Variants in NEDD4L observed in about 807,000 individuals in gnomAD.
NEDD4L encodes the protein NEDD4 like E3 ubiquitin protein ligase, also known as E3 ubiquitin-protein ligase NEDD4-like.
Under a neutral mutation model 148.9 loss-of-function variants are expected in NEDD4L, and 54 were observed. The observed-to-expected ratio is 0.36, with a 90% CI of 0.29 to 0.45. The LOEUF is 0.45. NEDD4L is among the 20% of genes least tolerant of loss of function. NEDD4L has a pLI of 1.00. For missense variants in NEDD4L, 856 were observed against 1,233.8 expected (o/e 0.69, Z 4.59); for synonymous variants, 433 against 440.7 (o/e 0.98, Z 0.22).
chr18:58,256,160 G>A lies in NEDD4L; in HGVS notation c.297+4106G>A, dbSNP rs985804672. The A allele has an allele frequency of 2.7e-5, 33 of 1,219,354 alleles. No individual in the cohort carries two copies. Among genetic ancestry groups the A allele is most frequent in the Admixed American group, 8.6e-5 (2 of 23,240 alleles). 75.5% of individuals were successfully genotyped at this position (1,219,354 alleles called of 1,614,324 possible). ...GGTCAACGGCACGTGCGGCCGCCGC[G>A]TGCGGTGCTCCGGCCCCGTGGACTG... is the stretch of plus-strand genomic sequence containing the variant. On this transcript the variant is annotated intron_variant, in intron 5 of 30. Coordinates refer to ENST00000400345, the MANE Select transcript of NEDD4L (RefSeq NM_001144967.3). This position sits in a 1 kb window ranked among gnomAD's most constrained non-coding sequence, Gnocchi z 5.2.
chr18:58,246,008 C>T (rs2047223753), intron 3 of NEDD4L, among the ~76,000 whole-genome samples: 1 of 151,678 alleles, frequency 6.6e-6, no homozygotes, highest in Admixed American at 6.6e-5. Context: ...CACTTTTTGT[C>T]TTATATACTG....
At position 58,200,143 on chromosome 18, in the gene NEDD4L, C is replaced by A. The variant is rs142548992; in HGVS notation, c.122+34282C>A. Among the ~76,000 whole-genome samples the A allele has an allele frequency of 1.3e-3, 191 of 152,340 alleles. 1 individual carries two copies. The highest frequency in any genetic ancestry group is 4.4e-3 in the African/African-American group (185 of 41,576). Reference sequence around the variant, plus strand: ...TTCTTTGTTATCTCGGCTCTCTGCTCAGGGTAGCCATGAAATGGCTCTTTT... The same window carrying A: ...TTCTTTGTTATCTCGGCTCTCTGCTAAGGGTAGCCATGAAATGGCTCTTTT... On this transcript the variant is annotated intron_variant, in intron 2 of 30. Transcript: ENST00000400345.
rs770391466 is a variant in NEDD4L at position 58,044,657 on chromosome 18, C to G, written c.-4C>G. 1 of 1,601,342 alleles carries G rather than the reference C, an allele frequency of 6.2e-7. No homozygotes were observed. Among genetic ancestry groups the G allele is most frequent in the East Asian group, 2.3e-5 (1 of 43,496 alleles). Reference sequence around the variant, plus strand: ...CCTCAGACCCCGCGCGGGGCGCCGGCTCCATGGCGACCGGGCTCGGGGAGC... The same window carrying G: ...CCTCAGACCCCGCGCGGGGCGCCGGGTCCATGGCGACCGGGCTCGGGGAGC... On this transcript the variant is annotated 5_prime_UTR_variant, in exon 1 of 31. Transcript: ENST00000400345.
At chr18:58,113,207 G>C (rs1416161055) in intron 1 of NEDD4L, among the ~76,000 whole-genome samples, 12 of 152,246 alleles carry the variant, frequency 7.9e-5, no homozygotes, top group Admixed American at 7.9e-4. Context: ...CCACTCTGTA[G>C]TTTGTATATT....
At chr18:58,115,869 G>T (rs1256537630) in intron 1 of NEDD4L, among the ~76,000 whole-genome samples, 1 of 152,208 alleles carries the variant, frequency 6.6e-6, no homozygotes, top group African/African-American at 2.4e-5. Context: ...CTTGCTAAGA[G>T]GTTAGCAAAA....
chr18:58,266,670 A>G (rs2050261398), intron 5 of NEDD4L, among the ~76,000 whole-genome samples: 1 of 152,194 alleles, frequency 6.6e-6, no homozygotes, highest in African/African-American at 2.4e-5. Context: ...TGTTGTGCCA[A>G]TAGAAAATAC....
chr18:58,299,262 C>G (rs995574766), intron 5 of NEDD4L, among the ~76,000 whole-genome samples: 65 of 152,228 alleles, frequency 4.3e-4, no homozygotes, highest in Admixed American at 4.2e-3. Flanking sequence ...ACATCAGTGC[C>G]TTTATCCAAG....
chr18:58,299,009 G>T (rs2056089163), intron 5 of NEDD4L, among the ~76,000 whole-genome samples: 1 of 152,178 alleles, frequency 6.6e-6, no homozygotes, highest in Non-Finnish European at 1.5e-5. Context: ...TGTTTGCAGT[G>T]ACTTTCACTC....
At chr18:58,079,061 G>T (rs1336427778) in intron 1 of NEDD4L, among the ~76,000 whole-genome samples, 1 of 152,198 alleles carries the variant, frequency 6.6e-6, no homozygotes, top group Non-Finnish European at 1.5e-5. Context: ...AGTTCTGGGT[G>T]TGGCGATGTG....
intron 2 of NEDD4L, among the ~76,000 whole-genome samples, chr18:58,222,088 T>C (rs2043835242): frequency 6.6e-6 from 1 of 152,234 alleles, no homozygotes; most frequent in South Asian, 2.1e-4. Flanking sequence ...GCAATAATAC[T>C]TTTATTTTTG....
At chr18:58,318,982 G>A (rs2058537016) in intron 6 of NEDD4L, among the ~76,000 whole-genome samples, 1 of 152,176 alleles carries the variant, frequency 6.6e-6, no homozygotes, top group Non-Finnish European at 1.5e-5. Flanking sequence ...CCTAGATGAG[G>A]CATTTTCAGG....
At chr18:58,142,040 C>CTTTTTTTTTTTTT (rs552184742) in intron 1 of NEDD4L, among the ~76,000 whole-genome samples, 14 of 41,860 alleles carry the variant, frequency 3.3e-4, no homozygotes, top group Non-Finnish European at 4.6e-4. Flanking sequence ...AAATTTCTTT[C>CTTTTTTTTTTTTT]TTTTTTTTTT....
intron 24 of NEDD4L, among the ~76,000 whole-genome samples, chr18:58,378,674 C>T (rs140565859): frequency 5.8e-4 from 88 of 152,260 alleles, no homozygotes; most frequent in African/African-American, 2.0e-3. Flanking sequence ...CTGACTGCCC[C>T]CGAGGCCGTG....
chr18:58,227,980 C>T (rs2044573255), intron 2 of NEDD4L: 1 of 288,270 alleles, frequency 3.5e-6, no homozygotes, highest in Non-Finnish European at 5.2e-6. Context: ...ATAGAGCTGG[C>T]TCTTGCCCAG....
intron 1 of NEDD4L, chr18:58,045,242 T>G (rs538492709): frequency 7.5e-6 from 3 of 397,756 alleles, no homozygotes; most frequent in Admixed American, 4.4e-5. Context: ...ACACGCTGCG[T>G]GTGTCCCTCC....
intron 1 of NEDD4L, chr18:58,091,022 T>C (rs944888811): frequency 1.3e-5 from 2 of 149,752 alleles, no homozygotes; most frequent in African/African-American, 5.0e-5. Flanking sequence ...AGCACCTTAC[T>C]TCTACCCTTG....
chr18:58,103,559 T>C (rs2084898880), intron 1 of NEDD4L, among the ~76,000 whole-genome samples: 1 of 152,154 alleles, frequency 6.6e-6, no homozygotes, highest in South Asian at 2.1e-4. Flanking sequence ...TCAGTGCACA[T>C]GTTCCTTAGT....
rs2044795067 is a variant in NEDD4L at position 58,357,206 on chromosome 18, C to G, written c.1721C>G (p.Thr574Ser). The change falls in exon 19 of 31, where the codon ACT (threonine) becomes AGT (serine). Residue 574 changes from threonine to serine, a missense_variant. Physicochemically the swap from Thr to Ser is moderately conservative, Grantham distance 58 (BLOSUM62 1). This residue lies in a region of NEDD4L where 286 missense variants were observed against 531.8 expected (regional missense o/e 0.54). Transcript: ENST00000400345. ...TTAACATTTTCAGATAGCAAAATTA[C>G]TCAGTGGGAAGACCCAAGACTGCAG... is the stretch of plus-strand genomic sequence containing the variant. ...TFYIDHNSKITQWEDPRLQNP... is the reference protein window; with the variant it reads ...TFYIDHNSKISQWEDPRLQNP... 1.3e-6 allele frequency: 2 copies of G among 1,578,968 alleles called. No homozygotes were observed. The highest frequency in any genetic ancestry group is 1.7e-6 in the Non-Finnish European group (2 of 1,150,900).
chr18:58,385,759 C>T (rs1011801721), intron 26 of NEDD4L, among the ~76,000 whole-genome samples, 173 bp downstream of exon 26: 3 of 152,076 alleles, frequency 2.0e-5, no homozygotes, highest in African/African-American at 4.8e-5. Context: ...GTCTCCAGCA[C>T]AAGAGTGTTC....
Sources: gnomAD v4.1 joint callset for allele counts (sites outside exome capture counted in the v4.1 genomes callset) on GRCh38, gnomAD v4.1.1 for gene constraint, gnomAD v4.1.1 regional missense constraint, Gnocchi (gnomAD v3.1) non-coding constraint, MANE v1.5 for transcripts, NCBI Gene and HGNC (gene_info 2026-07-23, HGNC 2026-07-21) for gene names.